Variants in CACNA2D3 observed in about 807,000 individuals in gnomAD.
The protein encoded by CACNA2D3 is calcium voltage-gated channel auxiliary subunit alpha2delta 3, also known as voltage-dependent calcium channel subunit alpha-2/delta-3.
A neutral mutation model predicts 160.6 loss-of-function variants in CACNA2D3; 60 were observed. The ratio of observed to expected loss-of-function variants is 0.37; its 90% CI spans 0.30 to 0.46. The LOEUF is 0.46. Ranked by LOEUF, CACNA2D3 falls within the 20% of genes least tolerant of loss-of-function variation. CACNA2D3 has a pLI of 1.00. For missense variants in CACNA2D3, 1,205 were observed against 1,365.0 expected, an observed-to-expected ratio of 0.88 and a Z score of 1.85; for synonymous variants, 558 against 492.9, an observed-to-expected ratio of 1.13 and a Z score of -1.75.
At chr3:55,038,907 T>TATATATATACACAC (rs1553636480) in intron 35 of CACNA2D3, among the ~76,000 whole-genome samples, 4 of 113,066 alleles carry the variant, frequency 3.5e-5, no homozygotes, top group African/African-American at 1.3e-4. Context: ...TATATATATA[T>TATATATATACACAC]ACACACACTG....
At chr3:54,436,907 A>G (rs1309074246) in intron 4 of CACNA2D3, among the ~76,000 whole-genome samples, 2 of 152,166 alleles carry the variant, frequency 1.3e-5, no homozygotes, top group African/African-American at 2.4e-5. Context: ...AAAGGTATAC[A>G]CATCAGAAGA....
chr3:54,390,476 T>G (rs1056124483), intron 4 of CACNA2D3, among the ~76,000 whole-genome samples: 1 of 152,196 alleles, frequency 6.6e-6, no homozygotes, highest in Admixed American at 6.5e-5. Flanking sequence ...GTTCTGGACA[T>G]GTACAACAAA....
chr3:54,530,805 T>G (rs1701794335), intron 5 of CACNA2D3, among the ~76,000 whole-genome samples: 1 of 152,188 alleles, frequency 6.6e-6, no homozygotes, highest in South Asian at 2.1e-4. Context: ...ATGTGAAATC[T>G]TCTGTAGGAA....
intron 11 of CACNA2D3, among the ~76,000 whole-genome samples, chr3:54,711,006 A>T (rs951459833): frequency 3.3e-5 from 5 of 152,192 alleles, no homozygotes; most frequent in Non-Finnish European, 7.3e-5. Flanking sequence ...GCATATTTTG[A>T]TAGAAGGTAA....
chr3:54,446,987 G>GT (rs1700232843), intron 4 of CACNA2D3, among the ~76,000 whole-genome samples: 1 of 152,178 alleles, frequency 6.6e-6, no homozygotes, highest in African/African-American at 2.4e-5. Context: ...TAGAAGGAGC[G>GT]TTTTTTAAGT....
At chr3:54,696,267 G>C (rs986352153) in intron 11 of CACNA2D3, among the ~76,000 whole-genome samples, 1 of 152,166 alleles carries the variant, frequency 6.6e-6, no homozygotes, top group Non-Finnish European at 1.5e-5. Flanking sequence ...CAGCCTTCAC[G>C]TTTCATCTCA....
At chr3:54,655,249 A>G (rs1475935276) in intron 11 of CACNA2D3, among the ~76,000 whole-genome samples, 1 of 152,138 alleles carries the variant, frequency 6.6e-6, no homozygotes, top group Non-Finnish European at 1.5e-5. Context: ...TAATGGAAAA[A>G]GGGTAGTGTC....
intron 5 of CACNA2D3, among the ~76,000 whole-genome samples, chr3:54,559,788 A>T (rs1029472539): frequency 6.6e-6 from 1 of 152,056 alleles, no homozygotes; most frequent in Non-Finnish European, 1.5e-5. Context: ...GTTCTCCTCT[A>T]TGTGTCCATG....
chr3:54,224,851 G>A (rs577370974), intron 2 of CACNA2D3, among the ~76,000 whole-genome samples: 2 of 148,958 alleles, frequency 1.3e-5, no homozygotes, highest in Non-Finnish European at 3.0e-5. Context: ...ATAATTTTCT[G>A]CAAATTTCTA....
intron 2 of CACNA2D3, among the ~76,000 whole-genome samples, chr3:54,169,625 ATAG>A (rs1393721822): frequency 8.5e-5 from 13 of 152,162 alleles, no homozygotes; most frequent in Non-Finnish European, 1.8e-4. Context: ...GAGAACAGTG[ATAG>A]TAGTGTGCAT....
At chr3:54,219,707 T>A (rs1701529467) in intron 2 of CACNA2D3, among the ~76,000 whole-genome samples, 1 of 152,170 alleles carries the variant, frequency 6.6e-6, no homozygotes, top group Non-Finnish European at 1.5e-5. Context: ...TGTTTCAGTG[T>A]TAGAGGACCT....
intron 13 of CACNA2D3, among the ~76,000 whole-genome samples, chr3:54,791,206 T>C (rs1433079774): frequency 1.3e-5 from 2 of 152,244 alleles, no homozygotes; most frequent in Non-Finnish European, 2.9e-5. Flanking sequence ...AGGAATTTGC[T>C]AACATCCGTG....
intron 4 of CACNA2D3, among the ~76,000 whole-genome samples, chr3:54,408,479 C>T (rs1482365263): frequency 6.6e-6 from 1 of 152,146 alleles, no homozygotes; most frequent in Non-Finnish European, 1.5e-5. Flanking sequence ...CAGAACATTC[C>T]AGTCTACCTG....
intron 31 of CACNA2D3, among the ~76,000 whole-genome samples, chr3:54,990,097 C>T (rs1702706688): frequency 6.6e-6 from 1 of 152,222 alleles, no homozygotes; most frequent in African/African-American, 2.4e-5. Context: ...TTACATGAAG[C>T]TGCGTTGCTC....
intron 3 of CACNA2D3, among the ~76,000 whole-genome samples, chr3:54,345,684 A>G (rs1698443734): frequency 6.6e-6 from 1 of 152,154 alleles, no homozygotes; most frequent in Admixed American, 6.5e-5. Flanking sequence ...GTGTCACTTA[A>G]TGGAGTGTCT....
intron 27 of CACNA2D3, among the ~76,000 whole-genome samples, chr3:54,948,995 C>T (rs912430845): frequency 2.0e-5 from 3 of 152,212 alleles, no homozygotes; most frequent in Non-Finnish European, 2.9e-5. Flanking sequence ...ATCTGGGGCT[C>T]AGCTGAAATC....
intron 9 of CACNA2D3, among the ~76,000 whole-genome samples, chr3:54,589,740 G>A (rs955887728): frequency 6.6e-6 from 1 of 152,052 alleles, no homozygotes; most frequent in African/African-American, 2.4e-5. Context: ...ATGGGCAAAA[G>A]CCATGAATAG....
At chr3:54,607,986 G>A (rs1269551722) in intron 9 of CACNA2D3, among the ~76,000 whole-genome samples, 2 of 139,514 alleles carry the variant, frequency 1.4e-5, no homozygotes, top group East Asian at 4.0e-4. Context: ...ATGATCAGTG[G>A]TTTCCAGGGA....
intron 14 of CACNA2D3, among the ~76,000 whole-genome samples, chr3:54,829,233 A>G (rs9832945): frequency 0.78 from 118,514 of 152,114 alleles, 46,942 homozygotes; most frequent in African/African-American, 0.92. Context: ...TTCCTCCAAA[A>G]GGTGTCTGTA....
Sources: allele counts gnomAD v4.1 joint callset (sites outside exome capture counted in the v4.1 genomes callset), GRCh38; gene constraint gnomAD v4.1.1; transcripts MANE v1.5; gene names NCBI Gene and HGNC (gene_info 2026-07-23, HGNC 2026-07-21).